The following TPRG1 variants were observed in gnomAD, a reference collection of about 807,000 sequenced individuals.
TPRG1 encodes the protein tumor protein p63-regulated gene 1 protein.
TPRG1 carries 29 observed loss-of-function variants against 29.3 expected under a neutral mutation model. That is an observed-to-expected ratio of 0.99 (90% CI 0.74 to 1.35). TPRG1 has a LOEUF of 1.35. TPRG1 is among the 40% of genes most tolerant of loss of function. The probability of loss-of-function intolerance (pLI) is 0.00; values close to 1 mark genes in which losing one functional copy is unlikely to be tolerated. For synonymous variants in TPRG1, 130 were observed against 116.8 expected (o/e 1.11, Z -0.73); for missense variants, 327 against 335.0 (o/e 0.98, Z 0.19).
At chr3:189,078,657 A>G (rs1717385408) in intron 4 of TPRG1, among the ~76,000 whole-genome samples, 1 of 152,216 alleles carries the variant, frequency 6.6e-6, no homozygotes, top group South Asian at 2.1e-4. Flanking sequence ...GAAGAAAAAT[A>G]ATCTTTTGAT....
chr3:189,093,679 G>T (rs1718488937), intron 4 of TPRG1, among the ~76,000 whole-genome samples: 1 of 152,196 alleles, frequency 6.6e-6, no homozygotes, highest in African/African-American at 2.4e-5. Context: ...ACAATGGAAA[G>T]ACAGGTGAAG....
At chr3:189,263,497 G>A (rs1024613831) in intron 4 of TPRG1, among the ~76,000 whole-genome samples, 11 of 152,190 alleles carry the variant, frequency 7.2e-5, no homozygotes, top group Non-Finnish European at 1.3e-4. Flanking sequence ...GGAGGAGCTA[G>A]AATAATTCTG....
At chr3:189,024,408 G>A (rs1213110252) in intron 4 of TPRG1, among the ~76,000 whole-genome samples, 1 of 151,862 alleles carries the variant, frequency 6.6e-6, no homozygotes, top group Non-Finnish European at 1.5e-5. Flanking sequence ...CCTCTCCCAG[G>A]GCACTCTATC....
chr3:189,128,466 A>G (rs183082518), intron 2 of TPRG1, among the ~76,000 whole-genome samples: 2 of 152,364 alleles, frequency 1.3e-5, no homozygotes, highest in African/African-American at 4.8e-5. Context: ...TATTTATACT[A>G]AAAAAGTTGT....
intron 3 of TPRG1, among the ~76,000 whole-genome samples, chr3:189,143,086 C>T (rs114293010): frequency 0.014 from 2,170 of 152,202 alleles, 51 homozygotes; most frequent in African/African-American, 0.05. Flanking sequence ...TTTTTAAACT[C>T]GATTTTCATG....
intron 4 of TPRG1, among the ~76,000 whole-genome samples, chr3:189,026,878 G>C (rs140369000): frequency 6.6e-6 from 1 of 152,146 alleles, no homozygotes; most frequent in Non-Finnish European, 1.5e-5. Flanking sequence ...GCAACATGGC[G>C]TGTTTGTTGA....
intron 3 of TPRG1, among the ~76,000 whole-genome samples, chr3:189,018,672 C>T (rs1713100199): frequency 6.6e-6 from 1 of 151,408 alleles, no homozygotes; most frequent in African/African-American, 2.4e-5. Flanking sequence ...TGTGATGCCT[C>T]CAGCTTTGTT....
chr3:189,271,908 A>G (rs1715199132), intron 4 of TPRG1, among the ~76,000 whole-genome samples: 1 of 152,204 alleles, frequency 6.6e-6, no homozygotes, highest in Admixed American at 6.5e-5. Flanking sequence ...AAAAATAGAG[A>G]TAAAAAGCAA....
chr3:189,217,610 A>G (rs1214090200), intron 3 of TPRG1, among the ~76,000 whole-genome samples: 1 of 152,200 alleles, frequency 6.6e-6, no homozygotes, highest in Admixed American at 6.5e-5. Context: ...CATTTCTGCC[A>G]TGGTGAGAAT....
intron 3 of TPRG1, among the ~76,000 whole-genome samples, chr3:189,017,884 G>A (rs1440121734): frequency 8.6e-4 from 130 of 151,446 alleles, no homozygotes; most frequent in South Asian, 3.6e-3. Context: ...CATCCTCTCT[G>A]GCACCTGTTG....
intron 2 of TPRG1, among the ~76,000 whole-genome samples, chr3:189,212,425 A>G (rs1444606451): frequency 1.3e-5 from 2 of 152,028 alleles, no homozygotes; most frequent in Admixed American, 6.6e-5. Context: ...TTGCTTTCAC[A>G]TTGGGAACAA....
intron 3 of TPRG1, among the ~76,000 whole-genome samples, chr3:189,009,173 C>T (rs1036463633): frequency 2.6e-5 from 4 of 152,056 alleles, no homozygotes; most frequent in East Asian, 1.9e-4. Flanking sequence ...ACCACTGTTT[C>T]GTGGCCCACC....
At chr3:189,237,154 A>C (rs1204675012) in intron 3 of TPRG1, among the ~76,000 whole-genome samples, 1 of 152,122 alleles carries the variant, frequency 6.6e-6, no homozygotes, top group Non-Finnish European at 1.5e-5. Flanking sequence ...AGTCTCCCAA[A>C]ATGGTGATAA....
At chr3:189,295,357 G>C (rs1000463044) in intron 4 of TPRG1, among the ~76,000 whole-genome samples, 19 of 151,852 alleles carry the variant, frequency 1.3e-4, no homozygotes, top group Non-Finnish European at 2.5e-4. Context: ...ACACATTTGT[G>C]GAATGAATAA....
At chr3:189,238,999 C>A in intron 4 of TPRG1, 90 bp downstream of exon 4, 1 of 1,148,330 alleles carries the variant, frequency 8.7e-7, no homozygotes, top group Non-Finnish European at 1.2e-6. Flanking sequence ...GCCCTGTAAA[C>A]TGGGAGAACC....
At chr3:189,301,697 A>G (rs1240564003) in intron 4 of TPRG1, among the ~76,000 whole-genome samples, 1 of 151,968 alleles carries the variant, frequency 6.6e-6, no homozygotes, top group Non-Finnish European at 1.5e-5. Flanking sequence ...GCCCAGCCCC[A>G]CTCTTGGCCT....
At chr3:189,042,264 T>A (rs710519) in intron 4 of TPRG1, among the ~76,000 whole-genome samples, 2 of 152,206 alleles carry the variant, frequency 1.3e-5, no homozygotes, top group African/African-American at 2.4e-5. Context: ...ATCAAGAATA[T>A]ATTTCTTTTC....
At chr3:189,166,490 C>T (rs572561608) in intron 5 of TPRG1, among the ~76,000 whole-genome samples, 30 of 152,178 alleles carry the variant, frequency 2.0e-4, no homozygotes, top group African/African-American at 6.3e-4. Flanking sequence ...CCAAAGGATA[C>T]CGAGGGAAAC....
chr3:189,279,374 G>A (rs151153290), intron 4 of TPRG1, among the ~76,000 whole-genome samples: 117 of 152,294 alleles, frequency 7.7e-4, no homozygotes, highest in African/African-American at 2.8e-3. Context: ...CATCAGGAAT[G>A]TTCTCTAATA....
Sources: gnomAD v4.1 joint callset for allele counts (sites outside exome capture counted in the v4.1 genomes callset) on GRCh38, gnomAD v4.1.1 for gene constraint, MANE v1.5 for transcripts, NCBI Gene and HGNC (gene_info 2026-07-23, HGNC 2026-07-21) for gene names.